The following ATP8B4 variants were observed in gnomAD, a reference collection of about 807,000 sequenced individuals.
The protein encoded by ATP8B4 is probable phospholipid-transporting ATPase IM.
In ATP8B4, 133 loss-of-function variants were observed where a neutral mutation model predicts 145.6. The ratio of observed to expected loss-of-function variants is 0.91; its 90% CI spans 0.79 to 1.05. ATP8B4 has a LOEUF of 1.05. Among genes scored for constraint, ATP8B4 ranks in the 50% least tolerant of loss-of-function variants. The pLI is 0.00. For missense variants in ATP8B4, 1,458 were observed against 1,425.2 expected (o/e 1.02, Z -0.37); for synonymous variants, 507 against 492.9 (o/e 1.03, Z -0.38).
At chr15:49,949,509 C>G (rs559363837) in intron 14 of ATP8B4, among the ~76,000 whole-genome samples, 240 of 152,268 alleles carry the variant, frequency 1.6e-3, no homozygotes, top group African/African-American at 5.4e-3. Context: ...GATTTCTGCA[C>G]ATTGATTTTG....
chr15:49,991,396 C>T (rs1184890818), intron 9 of ATP8B4, among the ~76,000 whole-genome samples: 1 of 152,124 alleles, frequency 6.6e-6, no homozygotes, highest in Non-Finnish European at 1.5e-5. Flanking sequence ...TAACAATATG[C>T]AAAAGATTCT....
chr15:50,050,798 A>G (rs2052122799), intron 3 of ATP8B4, among the ~76,000 whole-genome samples: 1 of 152,202 alleles, frequency 6.6e-6, no homozygotes, highest in South Asian at 2.1e-4. Flanking sequence ...ATGTAACTAT[A>G]TTATTTGAGG....
chr15:50,174,334 G>A (rs1042949871), intron 1 of ATP8B4, among the ~76,000 whole-genome samples: 9 of 152,076 alleles, frequency 5.9e-5, no homozygotes, highest in Admixed American at 2.0e-4. Flanking sequence ...CATCCAAATC[G>A]GTAAAGAGGA....
At chr15:49,949,274 A>C (rs985070803) in intron 14 of ATP8B4, among the ~76,000 whole-genome samples, 12 of 152,162 alleles carry the variant, frequency 7.9e-5, no homozygotes, top group Non-Finnish European at 1.5e-4. Flanking sequence ...GGCCATTTTC[A>C]TGATATTGAT....
chr15:49,961,928 C>T, intron 14 of ATP8B4, 49 bp downstream of exon 14: 2 of 1,448,520 alleles, frequency 1.4e-6, no homozygotes, highest in Non-Finnish European at 9.5e-7. Flanking sequence ...CTTAAAAGTA[C>T]ATATAATTTG....
intron 2 of ATP8B4, among the ~76,000 whole-genome samples, chr15:50,081,701 G>A (rs180724322): frequency 6.5e-4 from 99 of 152,350 alleles, no homozygotes; most frequent in African/African-American, 2.3e-3. Context: ...CTGCTAATAA[G>A]AGCAAGAGTA....
At chr15:50,058,414 T>G (rs2052759892) in intron 3 of ATP8B4, among the ~76,000 whole-genome samples, 1 of 152,136 alleles carries the variant, frequency 6.6e-6, no homozygotes, top group Non-Finnish European at 1.5e-5. Context: ...CTGTGTAGTC[T>G]GGGAACTAGG....
intron 24 of ATP8B4, among the ~76,000 whole-genome samples, chr15:49,877,683 C>T (rs1404816116): frequency 2.0e-5 from 3 of 152,062 alleles, no homozygotes; most frequent in Admixed American, 6.6e-5. Flanking sequence ...TTACTTAATC[C>T]GCCTGAGCCT....
chr15:49,898,603 C>T (rs980679539), intron 21 of ATP8B4, among the ~76,000 whole-genome samples: 1 of 152,236 alleles, frequency 6.6e-6, no homozygotes, highest in Non-Finnish European at 1.5e-5. Context: ...CAGAACCTAT[C>T]TACCAGCTCA....
chr15:49,866,544 C>T, intron 25 of ATP8B4, 60 bp from the exon 26 acceptor site: 1 of 1,583,250 alleles, frequency 6.3e-7, no homozygotes. Flanking sequence ...CATCATTTTA[C>T]CTCGTGATGT....
chr15:50,176,389 G>A (rs2044763278), intron 1 of ATP8B4, among the ~76,000 whole-genome samples: 1 of 152,032 alleles, frequency 6.6e-6, no homozygotes, highest in Non-Finnish European at 1.5e-5. Context: ...GAGGGCAAGG[G>A]ATAAAAGACT....
intron 1 of ATP8B4, among the ~76,000 whole-genome samples, chr15:50,135,350 C>G (rs1398647790): frequency 6.6e-6 from 1 of 152,104 alleles, no homozygotes. Context: ...CCATATTGCT[C>G]TCAATCTTTA....
intron 20 of ATP8B4, among the ~76,000 whole-genome samples, chr15:49,913,524 A>T (rs1209698744): frequency 6.6e-6 from 1 of 152,208 alleles, no homozygotes; most frequent in East Asian, 1.9e-4. Flanking sequence ...TAGTCAGAGC[A>T]ATCAGGCAAG....
chr15:50,143,765 T>G (rs1219251420), intron 1 of ATP8B4, among the ~76,000 whole-genome samples: 2 of 152,158 alleles, frequency 1.3e-5, no homozygotes, highest in South Asian at 4.1e-4. Context: ...TCTGCATTCC[T>G]GACAGATGGA....
intron 1 of ATP8B4, among the ~76,000 whole-genome samples, chr15:50,140,089 G>C (rs1013627579): frequency 1.3e-5 from 2 of 151,910 alleles, no homozygotes; most frequent in African/African-American, 4.8e-5. Flanking sequence ...TTGGGTGACA[G>C]GTGCACTGAA....
At chr15:50,005,639 A>G (rs1567183581) in intron 7 of ATP8B4, among the ~76,000 whole-genome samples, 1 of 152,178 alleles carries the variant, frequency 6.6e-6, no homozygotes, top group Non-Finnish European at 1.5e-5. Context: ...GGCCCAAGAG[A>G]CTTAACACAA....
intron 2 of ATP8B4, among the ~76,000 whole-genome samples, chr15:50,095,006 T>A (rs2055876141): frequency 6.6e-6 from 1 of 152,072 alleles, no homozygotes; most frequent in Non-Finnish European, 1.5e-5. Context: ...AACCCAGTTG[T>A]AAGCAATATA....
At chr15:50,163,416 T>G (rs1401746175) in intron 1 of ATP8B4, among the ~76,000 whole-genome samples, 1 of 152,240 alleles carries the variant, frequency 6.6e-6, no homozygotes, top group Non-Finnish European at 1.5e-5. Context: ...TTGGTAAGAT[T>G]TAGGAGATCC....
chr15:50,043,822 G>A (rs559591449), intron 5 of ATP8B4, among the ~76,000 whole-genome samples: 18 of 151,564 alleles, frequency 1.2e-4, no homozygotes, highest in South Asian at 8.4e-4. Context: ...GCGCGGTGGC[G>A]GGCGCCTGTG....
Sources: allele counts gnomAD v4.1 joint callset (sites outside exome capture counted in the v4.1 genomes callset), GRCh38; gene constraint gnomAD v4.1.1; transcripts MANE v1.5; gene names NCBI Gene and HGNC (gene_info 2026-07-23, HGNC 2026-07-21).